The following NKAIN2 variants were observed in gnomAD, a reference collection of about 807,000 sequenced individuals.
NKAIN2 encodes the protein sodium/potassium transporting ATPase interacting 2.
A neutral mutation model predicts 32.6 loss-of-function variants in NKAIN2; 14 were observed. The ratio of observed to expected loss-of-function variants is 0.43; its 90% CI spans 0.28 to 0.67. The LOEUF is 0.67. Among genes scored for constraint, NKAIN2 ranks in the 30% least tolerant of loss-of-function variants. The pLI is 0.17. For synonymous variants in NKAIN2, 80 were observed against 87.2 expected, an observed-to-expected ratio of 0.92 and a Z score of 0.46; for missense variants, 198 against 258.3, an observed-to-expected ratio of 0.77 and a Z score of 1.60.
intron 2 of NKAIN2, among the ~76,000 whole-genome samples, chr6:124,293,602 T>C (rs1482259648): frequency 6.6e-6 from 1 of 152,158 alleles, no homozygotes; most frequent in Non-Finnish European, 1.5e-5. Flanking sequence ...TAATTGATCT[T>C]TTCAAATTTT....
chr6:124,231,771 C>T (rs905485858), intron 1 of NKAIN2, among the ~76,000 whole-genome samples: 8 of 151,950 alleles, frequency 5.3e-5, no homozygotes, highest in Non-Finnish European at 8.8e-5. Context: ...CTTTTTCTTC[C>T]CAGTCTCATG....
intron 1 of NKAIN2, among the ~76,000 whole-genome samples, chr6:124,110,826 T>G (rs755535161): frequency 3.3e-5 from 5 of 152,258 alleles, no homozygotes; most frequent in Admixed American, 1.3e-4. Context: ...GTCCGTGTCT[T>G]TGCTATTGTG....
intron 3 of NKAIN2, among the ~76,000 whole-genome samples, chr6:124,447,417 G>A (rs1260460897): frequency 1.3e-5 from 2 of 152,092 alleles, no homozygotes; most frequent in Non-Finnish European, 2.9e-5. Context: ...AAGAAGGATG[G>A]AAATGCCTTA....
intron 3 of NKAIN2, among the ~76,000 whole-genome samples, chr6:124,543,713 G>A (rs908564598): frequency 1.1e-4 from 17 of 152,096 alleles, no homozygotes; most frequent in Admixed American, 6.6e-5. Context: ...TGGGAGCTGA[G>A]AAGAGAAAGT....
chr6:124,815,514 T>A (rs1387864802), intron 5 of NKAIN2, among the ~76,000 whole-genome samples: 2 of 151,998 alleles, frequency 1.3e-5, no homozygotes, highest in Non-Finnish European at 1.5e-5. Context: ...AGGTGACCCA[T>A]CTGCCTCAGC....
intron 1 of NKAIN2, among the ~76,000 whole-genome samples, chr6:124,200,065 C>T (rs1003740192): frequency 6.6e-6 from 1 of 152,106 alleles, no homozygotes; most frequent in Admixed American, 6.6e-5. Flanking sequence ...ATACCTTGTT[C>T]TCCATGAACC....
intron 4 of NKAIN2, among the ~76,000 whole-genome samples, chr6:124,778,492 AT>A (rs1329772044): frequency 6.6e-6 from 1 of 151,902 alleles, no homozygotes; most frequent in Non-Finnish European, 1.5e-5. Flanking sequence ...TCTCCTTGAT[AT>A]TTTTTGGCAA....
chr6:124,536,907 A>G (rs1051116593), intron 3 of NKAIN2, among the ~76,000 whole-genome samples: 3 of 152,246 alleles, frequency 2.0e-5, no homozygotes, highest in Admixed American at 6.5e-5. Context: ...CGACACAGCC[A>G]GCAATCTGGA....
chr6:124,236,221 G>A (rs375472467), intron 1 of NKAIN2, among the ~76,000 whole-genome samples: 2 of 152,114 alleles, frequency 1.3e-5, no homozygotes, highest in African/African-American at 4.8e-5. Context: ...ATGTAATAAA[G>A]TATATGTCTT....
At chr6:123,937,745 T>C (rs1222170393) in intron 1 of NKAIN2, among the ~76,000 whole-genome samples, 1 of 152,076 alleles carries the variant, frequency 6.6e-6, no homozygotes, top group East Asian at 1.9e-4. Flanking sequence ...TCATTCTTAA[T>C]AGAGCCCAAT....
At chr6:124,450,576 T>C (rs1054132460) in intron 3 of NKAIN2, among the ~76,000 whole-genome samples, 5 of 151,838 alleles carry the variant, frequency 3.3e-5, no homozygotes, top group Non-Finnish European at 5.9e-5. Flanking sequence ...ATGGTGATTT[T>C]TGTATCAAAA....
intron 3 of NKAIN2, among the ~76,000 whole-genome samples, chr6:124,535,322 G>T (rs143726088): frequency 3.6e-4 from 55 of 152,304 alleles, no homozygotes; most frequent in African/African-American, 1.3e-3. Flanking sequence ...AAGACTGGTT[G>T]ATTGGCTCAC....
intron 5 of NKAIN2, among the ~76,000 whole-genome samples, chr6:124,808,861 A>T (rs1434909064): frequency 6.6e-6 from 1 of 152,186 alleles, no homozygotes; most frequent in Non-Finnish European, 1.5e-5. Flanking sequence ...GAGCCAAATC[A>T]TGAGTGAACT....
intron 3 of NKAIN2, among the ~76,000 whole-genome samples, chr6:124,601,244 T>A (rs956906426): frequency 6.6e-6 from 1 of 152,016 alleles, no homozygotes; most frequent in Non-Finnish European, 1.5e-5. Flanking sequence ...TTAAAGCCAA[T>A]GGGAGTTGTA....
chr6:124,396,276 A>C lies in NKAIN2; in HGVS notation c.273+40929A>C, dbSNP rs908217509. On this transcript the variant is annotated intron_variant, in intron 3 of 6. Coordinates refer to ENST00000368417, the MANE Select transcript of NKAIN2 (RefSeq NM_001040214.3). ...TTTAATAATAAATTGTTACTATTAG[A>C]ATAGAATATGAAAGGGGGAAAGATA... 2.6e-5 allele frequency among the ~76,000 whole-genome samples: 4 copies of C among 151,828 alleles called. No individual in the cohort carries two copies. In the East Asian group the frequency reaches 5.8e-4, roughly 22 times the overall value.
chr6:124,201,788 C>T (rs1256681826), intron 1 of NKAIN2, among the ~76,000 whole-genome samples: 1 of 151,856 alleles, frequency 6.6e-6, no homozygotes, highest in East Asian at 1.9e-4. Flanking sequence ...AAATGATCTG[C>T]CTATATTCTT....
intron 3 of NKAIN2, among the ~76,000 whole-genome samples, chr6:124,576,524 A>G (rs1019884909): frequency 2.6e-5 from 4 of 152,218 alleles, no homozygotes; most frequent in Admixed American, 6.5e-5. Context: ...TCTTAGCACT[A>G]TTAAGAATCG....
chr6:124,159,052 C>G (rs1313903940), intron 1 of NKAIN2, among the ~76,000 whole-genome samples: 2 of 152,074 alleles, frequency 1.3e-5, no homozygotes, highest in Admixed American at 1.3e-4. Flanking sequence ...GATTTTAGGG[C>G]AATTAGAATG....
At chr6:124,286,910 C>G (rs933286654) in intron 2 of NKAIN2, among the ~76,000 whole-genome samples, 1 of 152,054 alleles carries the variant, frequency 6.6e-6, no homozygotes, top group Non-Finnish European at 1.5e-5. Flanking sequence ...TCTCGAACTC[C>G]TGACCTCATG....
Sources: allele counts gnomAD v4.1 joint callset (sites outside exome capture counted in the v4.1 genomes callset), GRCh38; gene constraint gnomAD v4.1.1; transcripts MANE v1.5; gene names NCBI Gene and HGNC (gene_info 2026-07-23, HGNC 2026-07-21).